Variants in KLF12 observed in about 807,000 individuals in gnomAD.
KLF12 encodes Krueppel-like factor 12.
In KLF12, 9 loss-of-function variants were observed where a neutral mutation model predicts 37.8. The observed-to-expected ratio is 0.24, with a 90% CI of 0.14 to 0.42. KLF12 has a LOEUF of 0.42. KLF12 is among the 10% of genes least tolerant of loss of function. The probability of loss-of-function intolerance (pLI) is 1.00; values close to 1 mark genes in which losing one functional copy is unlikely to be tolerated. For synonymous variants in KLF12, 208 were observed against 202.1 expected (o/e 1.03, Z -0.25); for missense variants, 411 against 516.0 (o/e 0.80, Z 1.97).
chr13:74,008,811 AC>A (rs1038547846), intron 1 of KLF12, among the ~76,000 whole-genome samples: 33 of 152,326 alleles, frequency 2.2e-4, no homozygotes, highest in African/African-American at 7.2e-4. Flanking sequence ...TTGAGTTCTG[AC>A]TCTGCACTGA....
chr13:73,959,485 TATG>T lies in KLF12; in HGVS notation c.34-15418_34-15416del, dbSNP rs1269396726. Among the ~76,000 whole-genome samples the T allele has an allele frequency of 5.4e-3, 820 of 151,322 alleles. 7 individuals are homozygous for T. Among genetic ancestry groups the T allele is most frequent in the East Asian group, 0.032 (165 of 5,174 alleles). ...AAGGTCATAAGGAAGCCTTAGAAAA[TATG>T]TCTGCATTTTATATAAAATATATAT... is the stretch of plus-strand genomic sequence containing the variant. On this transcript the variant is annotated intron_variant, in intron 2 of 7. Transcript: ENST00000377669.
the KLF12 span, among the ~76,000 whole-genome samples, chr13:74,196,345 G>A: frequency 6.6e-6 from 1 of 152,174 alleles, no homozygotes; most frequent in East Asian, 1.9e-4. Context: ...GGAGGAGGGA[G>A]AGAGAAGACA....
At chr13:73,963,494 TA>T (rs1891085315) in intron 2 of KLF12, among the ~76,000 whole-genome samples, 2 of 152,200 alleles carry the variant, frequency 1.3e-5, no homozygotes, top group African/African-American at 2.4e-5. Context: ...TAGAATGGAT[TA>T]TATAAACGTT....
chr13:74,152,605 G>A, the KLF12 span, among the ~76,000 whole-genome samples: 2 of 152,100 alleles, frequency 1.3e-5, no homozygotes, highest in African/African-American at 4.8e-5. Flanking sequence ...AAAATCAGCT[G>A]TGTGCTGTGG....
chr13:74,151,108 G>A, the KLF12 span, among the ~76,000 whole-genome samples: 64,859 of 151,952 alleles, frequency 0.43, 14,967 homozygotes, highest in East Asian at 0.79. Flanking sequence ...GTTTTTTAGC[G>A]GTTGGTTGAA....
chr13:74,037,495 C>G (rs752632273), intron 1 of KLF12, among the ~76,000 whole-genome samples: 2 of 152,120 alleles, frequency 1.3e-5, no homozygotes, highest in African/African-American at 4.8e-5. Context: ...GTTGAACACT[C>G]CAATTCATTG....
intron 1 of KLF12, among the ~76,000 whole-genome samples, chr13:74,007,896 A>AT (rs1269001212): frequency 3.9e-5 from 6 of 152,030 alleles, no homozygotes; most frequent in African/African-American, 1.2e-4. Context: ...AAAAAAAAAA[A>AT]CGCAATGTGA....
In KLF12 at chr13:73,691,963, T is replaced by A. The variant is rs920052135; in HGVS notation, c.*3527A>T. On this transcript the variant is annotated 3_prime_UTR_variant, in exon 8 of 8. Transcript: ENST00000377669. ...GTAAACACTGTAGCATTTTGTAAGT[T>A]TTTCCCCTGACAATCATCTTCCTTT... 1.8e-4 allele frequency: 27 copies of A among 152,618 alleles called. No individual in the cohort carries two copies. Among genetic ancestry groups the A allele is most frequent in the African/African-American group, 6.0e-4 (25 of 41,452 alleles). The allele number at this position is 152,618 out of a possible 1,614,324, so 9.5% of individuals were successfully genotyped here.
At chr13:74,233,387 G>C in the KLF12 span, among the ~76,000 whole-genome samples, 2 of 152,064 alleles carry the variant, frequency 1.3e-5, no homozygotes, top group African/African-American at 4.8e-5. Context: ...CTCCCAACAG[G>C]AGCTTATGTC....
At chr13:74,162,116 A>G in the KLF12 span, among the ~76,000 whole-genome samples, 8 of 152,232 alleles carry the variant, frequency 5.3e-5, no homozygotes, top group Non-Finnish European at 1.0e-4. Flanking sequence ...TTTCCAAAAG[A>G]GATAGGTTTT....
intron 6 of KLF12, among the ~76,000 whole-genome samples, chr13:73,750,883 G>A (rs113814686): frequency 1.2e-4 from 18 of 152,254 alleles, no homozygotes; most frequent in African/African-American, 4.3e-4. Flanking sequence ...TAGGGTCCAC[G>A]GGAAGATGGA....
At chr13:73,933,261 G>A (rs1889767029) in intron 3 of KLF12, among the ~76,000 whole-genome samples, 1 of 151,940 alleles carries the variant, frequency 6.6e-6, no homozygotes, top group Non-Finnish European at 1.5e-5. Flanking sequence ...CCAACATTTT[G>A]GTTTTGCTGT....
chr13:73,747,989 G>A (rs1368615991), intron 6 of KLF12, among the ~76,000 whole-genome samples: 1 of 152,172 alleles, frequency 6.6e-6, no homozygotes, highest in Non-Finnish European at 1.5e-5. Flanking sequence ...ATTGAAAGGT[G>A]GTTCTAACAA....
the KLF12 span, among the ~76,000 whole-genome samples, chr13:74,291,900 A>T: frequency 1.3e-5 from 2 of 152,214 alleles, no homozygotes; most frequent in East Asian, 3.8e-4. Flanking sequence ...TCAGCTGTGT[A>T]TCAGAACTTA....
chr13:73,771,932 C>T (rs1275263344), intron 5 of KLF12, among the ~76,000 whole-genome samples: 1 of 152,176 alleles, frequency 6.6e-6, no homozygotes, highest in Non-Finnish European at 1.5e-5. Context: ...CTAAGTTACT[C>T]ACCTAAGTAT....
the KLF12 span, among the ~76,000 whole-genome samples, chr13:74,303,371 A>G: frequency 6.6e-6 from 1 of 152,076 alleles, no homozygotes; most frequent in Non-Finnish European, 1.5e-5. Context: ...TTTTCTATGT[A>G]TCTTGGGAGT....
chr13:74,169,540 C>T, the KLF12 span, among the ~76,000 whole-genome samples: 8 of 152,104 alleles, frequency 5.3e-5, no homozygotes, highest in Admixed American at 2.0e-4. Context: ...AAGAAGCATT[C>T]GGTAAGCTTT....
At chr13:74,071,482 C>T (rs111597833) in intron 1 of KLF12, among the ~76,000 whole-genome samples, 96 of 151,624 alleles carry the variant, frequency 6.3e-4, no homozygotes, top group African/African-American at 1.9e-3. Context: ...GTCAGGAGAT[C>T]GAGACCATCC....
intron 1 of KLF12, among the ~76,000 whole-genome samples, chr13:74,100,382 C>T (rs535679171): frequency 6.6e-6 from 1 of 152,202 alleles, no homozygotes; most frequent in South Asian, 2.1e-4. Context: ...CACTGGGAGG[C>T]CAAGGTGGGT....
Sources: gnomAD v4.1 joint callset for allele counts (sites outside exome capture counted in the v4.1 genomes callset) on GRCh38, gnomAD v4.1.1 for gene constraint, MANE v1.5 for transcripts, NCBI Gene and HGNC (gene_info 2026-07-23, HGNC 2026-07-21) for gene names.